The following MUC4 variants were observed in gnomAD, a reference collection of about 807,000 sequenced individuals.
The protein encoded by MUC4 is mucin-4.
Under a neutral mutation model 257.9 loss-of-function variants are expected in MUC4, and 202 were observed. That is an observed-to-expected ratio of 0.78 (90% CI 0.70 to 0.88). The LOEUF (loss-of-function observed/expected upper bound fraction) is 0.88. MUC4 is among the 40% of genes least tolerant of loss of function. MUC4 has a pLI of 0.00. For missense variants in MUC4, 5,976 were observed against 6,513.7 expected (o/e 0.92, Z 2.84); for synonymous variants, 2,351 against 2,757.1 (o/e 0.85, Z 4.62).
At chr3:195,763,952 C>G in intron 11 of MUC4, 93 bp downstream of exon 11, 1 of 1,471,288 alleles carries the variant, frequency 6.8e-7, no homozygotes, top group Non-Finnish European at 9.1e-7. Context: ...GGCCACAGCT[C>G]TGCCCCTACT....
rs1273715259 is a variant in MUC4 at position 195,765,387 on chromosome 3, A to C, written c.13681T>G (p.Cys4561Gly). The change falls in exon 9 of 25, where the codon TGC (cysteine) becomes GGC (glycine). Residue 4561 changes from cysteine to glycine, a missense_variant. By Grantham distance (159) the Cys-to-Gly change is radical. This residue lies in a region of MUC4 where 996 missense variants were observed against 1,137.3 expected (regional missense o/e 0.88). Coordinates refer to ENST00000463781, the MANE Select transcript of MUC4 (RefSeq NM_018406.7). ...REERPNYRLE[C>G]LQWLKSQPRW... ...GGCTGGCTCTTCAGCCACTGCAGGC[A>C]CTCGAGACGGTAGTTGGGCCTTTCT... 1 of 1,613,096 alleles carries C rather than the reference A, an allele frequency of 6.2e-7. No individual in the cohort carries two copies. The highest frequency in any genetic ancestry group is 1.3e-5 in the African/African-American group (1 of 74,802).
In MUC4 at chr3:195,747,310, A is replaced by T. The variant is rs755536410; in HGVS notation, c.16105T>A (p.Phe5369Ile). ...AGGGCCCCAAAGAAGATGCCGAAGA[A>T]CGCGTCGAGTTTCATGCTCAGGTGC... ...CEHLSMKLDA[F>I]FGIFFGALGG... Residue 5369 changes from phenylalanine to isoleucine, a missense_variant, in exon 25 of 25, where the codon TTC becomes ATC. By Grantham distance (21) the Phe-to-Ile change is conservative. Coordinates refer to ENST00000463781, the MANE Select transcript of MUC4 (RefSeq NM_018406.7). 6.2e-7 allele frequency: 1 copy of T among 1,614,138 alleles called. No homozygotes were observed. Among genetic ancestry groups the T allele is most frequent in the Non-Finnish European group, 8.5e-7 (1 of 1,179,932 alleles).
chr3:195,774,215 G>T lies in MUC4; in HGVS notation c.13034C>A (p.Ala4345Glu). 1.9e-6 allele frequency: 3 copies of T among 1,608,404 alleles called. No homozygotes were observed. Among genetic ancestry groups the T allele is most frequent in the East Asian group, 2.3e-5 (1 of 44,160 alleles). Residue 4345 changes from alanine (A) to glutamate (E), a missense_variant, in exon 4 of 25, where the codon GCG (alanine) becomes GAG (glutamate). By Grantham distance (107) the Ala-to-Glu change is moderately radical. Coordinates refer to ENST00000463781, the MANE Select transcript of MUC4 (RefSeq NM_018406.7). ...AGAGGAGCCAAGGGGGAAGCCAGTCGCCGGCTTGAAGAGTGGGGAGGTGAA... is the reference window on the plus strand; with the variant it reads ...AGAGGAGCCAAGGGGGAAGCCAGTCTCCGGCTTGAAGAGTGGGGAGGTGAA... Reference protein sequence around the residue: ...VDFTSPLFKPATGFPLGSSLR... With the variant: ...VDFTSPLFKPETGFPLGSSLR...
At position 195,750,937 on chromosome 3, in the gene MUC4, C is replaced by T. The variant is rs768360149; in HGVS notation, c.15823G>A (p.Val5275Met). 1.9e-6 allele frequency: 3 copies of T among 1,614,054 alleles called. No individual in the cohort carries two copies. Among genetic ancestry groups the T allele is most frequent in the Non-Finnish European group, 2.5e-6 (3 of 1,180,024 alleles). The change falls in exon 23 of 25, where the codon GTG (valine) becomes ATG (methionine). Residue 5275 changes from valine (V) to methionine (M), a missense_variant. Transcript: ENST00000463781. ...TCCCCGGAGATGGGCTGGAAGACCA[C>T]GTCGTTCCTGGGCTCCTCACTCCTC... ...PRRSEEPRND[V>M]VFQPISGEDV...
intron 16 of MUC4, 54 bp from the exon 17 acceptor site, chr3:195,759,315 T>C: frequency 1.3e-6 from 2 of 1,594,708 alleles, no homozygotes; most frequent in Non-Finnish European, 1.7e-6. Flanking sequence ...TCCTGCTTTA[T>C]CAGCCTCCTC....
At chr3:195,804,299 C>T (rs1192216106) in intron 1 of MUC4, among the ~76,000 whole-genome samples, 1 of 152,214 alleles carries the variant, frequency 6.6e-6, no homozygotes, top group Non-Finnish European at 1.5e-5. Context: ...GTTAGGGCTC[C>T]AGGATGTGAA....
At chr3:195,754,186 CT>C in intron 19 of MUC4, 26 bp downstream of exon 19, 2 of 1,592,902 alleles carry the variant, frequency 1.3e-6, no homozygotes, top group Non-Finnish European at 1.7e-6. Flanking sequence ...CCAGAAGCGC[CT>C]GCTCCAGGCC....
Position 195,779,054 on chromosome 3 carries a change from G to A in MUC4, c.12526C>T (p.Pro4176Ser), listed in dbSNP as rs1307207095. 1.2e-4 allele frequency: 124 copies of A among 1,048,634 alleles called. 1 individual carries two copies. The highest frequency in any genetic ancestry group is 9.9e-4 in the African/African-American group (56 of 56,840). 65.0% of individuals were successfully genotyped at this position (1,048,634 alleles called of 1,614,324 possible). Residue 4176 changes from proline to serine, a missense_variant, in exon 2 of 25, where the codon CCT becomes TCT. By Grantham distance (74) the Pro-to-Ser change is moderately conservative (BLOSUM62 -1). Coordinates refer to ENST00000463781, the MANE Select transcript of MUC4 (RefSeq NM_018406.7). Reference protein sequence around the residue: ...ASSVSTGHGTPLPVTSTSSAS... With the variant: ...ASSVSTGHGTSLPVTSTSSAS... ...GAGGAAGTGCTGGTGACAGGAAGAG[G>A]GGTGCCGTGACCTGTGGACACTGAG...
At chr3:195,775,954 A>C (rs1724549773) in intron 3 of MUC4, among the ~76,000 whole-genome samples, 1 of 69,754 alleles carries the variant, frequency 1.4e-5, no homozygotes, top group Non-Finnish European at 2.6e-5. Flanking sequence ...CCACACCCAT[A>C]CCTTCCACAC....
chr3:195,774,232 G>A lies in MUC4; in HGVS notation c.13017C>T (p.Ser4339=), dbSNP rs202164609. ...AGCCAGTCGCCGGCTTGAAGAGTGG[G>A]GAGGTGAAGTCCACGGTCCTCCTGA... is the stretch of plus-strand genomic sequence containing the variant. The part of the protein sequence containing the change: ...EFVRRTVDFT[S]PLFKPATGFP... Residue 4339 remains serine (S), a synonymous_variant, in exon 4 of 25, where the codon TCC becomes TCT. Transcript: ENST00000463781. 5.4e-5 allele frequency: 86 copies of A among 1,607,460 alleles called. No homozygotes were observed. The East Asian group carries it at 1.8e-3, about 34-fold the overall frequency.
chr3:195,752,760 G>A (rs1163035225), intron 20 of MUC4, among the ~76,000 whole-genome samples: 1 of 152,130 alleles, frequency 6.6e-6, no homozygotes, highest in African/African-American at 2.4e-5. Flanking sequence ...CTCACGCTAG[G>A]GCTCACTCCA....
At chr3:195,747,698 C>G (rs1715340134) in intron 24 of MUC4, among the ~76,000 whole-genome samples, 1 of 152,282 alleles carries the variant, frequency 6.6e-6, no homozygotes, top group Admixed American at 6.5e-5. Context: ...AACCCCATCT[C>G]TACTAAAAAT....
At chr3:195,791,921 A>G (rs930403077) in intron 1 of MUC4, among the ~76,000 whole-genome samples, 6 of 152,242 alleles carry the variant, frequency 3.9e-5, no homozygotes, top group Non-Finnish European at 7.3e-5. Context: ...TGCTGGGAAA[A>G]CTGGTTAGCC....
chr3:195,764,095 T>A lies in MUC4; in HGVS notation c.13994A>T (p.Gln4665Leu), dbSNP rs773725901. The A allele has an allele frequency of 8.7e-6, 14 of 1,608,170 alleles. No individual in the cohort carries two copies. The East Asian group carries it at 2.7e-4, about 31-fold the overall frequency. ...ACAGCCCACGTGGGGCCGCCTCTGCTGGTACAGGGCACAGAGGTAGGGCTT... is the reference window on the plus strand; with the variant it reads ...ACAGCCCACGTGGGGCCGCCTCTGCAGGTACAGGGCACAGAGGTAGGGCTT... ...NDKPYLCALYQQRRPHVGCAT... is the reference protein window; with the variant it reads ...NDKPYLCALYLQRRPHVGCAT... The change falls in exon 11 of 25, where the codon CAG (glutamine) becomes CTG (leucine). Residue 4665 changes from glutamine to leucine, a missense_variant. Around this residue, in one of 44 missense-constraint regions of MUC4, gnomAD observed 996 missense variants for 1,137.3 expected, o/e 0.88. Coordinates refer to ENST00000463781, the MANE Select transcript of MUC4 (RefSeq NM_018406.7).
rs1338980774 is a variant in MUC4, at chr3:195,754,225, G to T, written c.15316C>A (p.Arg5106=). 6.2e-7 allele frequency: 1 copy of T among 1,613,266 alleles called. No homozygotes were observed. Among genetic ancestry groups the T allele is most frequent in the East Asian group, 2.2e-5 (1 of 44,842 alleles). Residue 5106 remains arginine (R), a synonymous_variant, in exon 19 of 25, where the codon CGG becomes AGG. Transcript: ENST00000463781. ...GTTCCCGGCTCACCCGCACAGTGCC[G>T]CCCATCCCCAGTCAGGTTTGGAGGG... The part of the protein sequence containing the change: ...ACPPNLTGDG[R]HCAALGSSFL...
At chr3:195,747,470 AGGAGAGGCTGGGCTCGCCCCACTCTCC>A (rs1715275971) in intron 24 of MUC4, 90 bp from the exon 25 acceptor site, 1 of 1,434,492 alleles carries the variant, frequency 7.0e-7, no homozygotes, top group Admixed American at 1.9e-5. Flanking sequence ...GAGGTTCTGT[AGGAGAGGCTGGGCTCGCCCCACTCTCC>A]GGAGAGACTG....
At chr3:195,766,804 G>T in intron 7 of MUC4, 53 bp from the exon 8 acceptor site, 2 of 1,542,118 alleles carry the variant, frequency 1.3e-6, no homozygotes, top group Non-Finnish European at 1.8e-6. Flanking sequence ...CTCTTGCCTC[G>T]CGGTTGCAAG....
intron 1 of MUC4, among the ~76,000 whole-genome samples, chr3:195,805,748 C>A (rs1430957804): frequency 6.6e-6 from 1 of 151,164 alleles, no homozygotes; most frequent in Non-Finnish European, 1.5e-5. Flanking sequence ...CTGCCCGCTT[C>A]AGCTTCCCAG....
At position 195,803,924 on chromosome 3, in the gene MUC4, G is replaced by A. The variant is rs527998710; in HGVS notation, c.82+7812C>T. 1.4e-4 allele frequency among the ~76,000 whole-genome samples: 22 copies of A among 152,266 alleles called. No individual in the cohort carries two copies. In the South Asian group the frequency reaches 3.1e-3, roughly 22 times the overall value. On this transcript the variant is annotated intron_variant, in intron 1 of 24. Transcript: ENST00000463781. ...CTGAGGCCGAGCCAGGCACATTCTC[G>A]GGGTGGACGCTGTGACACTGGGGTG...
Sources: gnomAD v4.1 joint callset for allele counts (sites outside exome capture counted in the v4.1 genomes callset) on GRCh38, gnomAD v4.1.1 for gene constraint, gnomAD v4.1.1 regional missense constraint, MANE v1.5 for transcripts, NCBI Gene and HGNC (gene_info 2026-07-23, HGNC 2026-07-21) for gene names.